Variants in ATP11A observed in about 807,000 individuals in gnomAD.
ATP11A encodes the protein phospholipid-transporting ATPase IH.
A neutral mutation model predicts 154.4 loss-of-function variants in ATP11A; 81 were observed. That is an observed-to-expected ratio of 0.52 (90% confidence interval 0.44 to 0.63). ATP11A has a LOEUF of 0.63. ATP11A is among the 30% of genes least tolerant of loss of function. The pLI, the probability that ATP11A is intolerant of heterozygous loss-of-function variation, is 0.00. For missense variants in ATP11A, 1,316 were observed against 1,474.3 expected (o/e 0.89, Z 1.76); for synonymous variants, 623 against 585.9 (o/e 1.06, Z -0.91).
intron 16 of ATP11A, among the ~76,000 whole-genome samples, chr13:112,839,014 C>T (rs1006015569): frequency 1.3e-5 from 2 of 152,142 alleles, no homozygotes; most frequent in African/African-American, 4.8e-5. Flanking sequence ...TGGGGCTGAG[C>T]AGCCCCAACA....
rs1393058131 is a variant in ATP11A at position 112,880,578 on chromosome 13, C to T, written c.*10-1298C>T. ...TGAAGCACAAGGCTCCAGTCCAGGCCGCACAGAGCAGCGATGGGCCCCTCC... is the reference window on the plus strand; with the variant it reads ...TGAAGCACAAGGCTCCAGTCCAGGCTGCACAGAGCAGCGATGGGCCCCTCC... On this transcript the variant is annotated intron_variant, in intron 29 of 29. Coordinates refer to ENST00000375645, the MANE Select transcript of ATP11A (RefSeq NM_015205.3). 6.5e-5 allele frequency: 84 copies of T among 1,300,632 alleles called. 1 individual carries two copies. Among genetic ancestry groups the T allele is most frequent in the South Asian group, 6.3e-4 (51 of 80,978 alleles). 80.6% of individuals were successfully genotyped at this position (1,300,632 alleles called of 1,614,324 possible).
rs572977464 is a variant in ATP11A at position 112,785,436 on chromosome 13, G to C, written c.162+179G>C. ...CCGAGGGCGCTACTCTCTCCCTCTC[G>C]GTGACTGCCCACAGGAGGCTTTCCA... is the stretch of plus-strand genomic sequence containing the variant. On this transcript the variant is annotated intron_variant, in intron 2 of 29. Coordinates refer to ENST00000375645, the MANE Select transcript of ATP11A (RefSeq NM_015205.3). The surrounding 1 kb of genome is among the most constrained non-coding windows in gnomAD (Gnocchi z 4.8). 1.3e-5 allele frequency among the ~76,000 whole-genome samples: 2 copies of C among 151,934 alleles called. No homozygotes were observed. Among genetic ancestry groups the C allele is most frequent in the Non-Finnish European group, 2.9e-5 (2 of 67,986 alleles).
chr13:112,699,317 A>C (rs559799226), intron 1 of ATP11A, among the ~76,000 whole-genome samples: 14 of 152,256 alleles, frequency 9.2e-5, no homozygotes, highest in African/African-American at 3.4e-4. Context: ...GTTTGGCAAA[A>C]TGTTTCCCAT....
chr13:112,775,464 G>A lies in ATP11A; in HGVS notation c.40-9671G>A, dbSNP rs529665037. 1.9e-3 allele frequency among the ~76,000 whole-genome samples: 293 copies of A among 152,344 alleles called. 1 individual carries two copies. The highest frequency in any genetic ancestry group is 0.014 in the Middle Eastern group (4 of 294). On this transcript the variant is annotated intron_variant, in intron 1 of 29. Transcript: ENST00000375645. ...TTGGCCCAGCAGCCTGGGGCCTCCAGGACATGCCTCCTCTAAAGGGGTGTT... is the reference window on the plus strand; with the variant it reads ...TTGGCCCAGCAGCCTGGGGCCTCCAAGACATGCCTCCTCTAAAGGGGTGTT...
intron 1 of ATP11A, among the ~76,000 whole-genome samples, chr13:112,765,484 T>A (rs1199107058): frequency 2.0e-5 from 3 of 152,266 alleles, no homozygotes; most frequent in Non-Finnish European, 4.4e-5. Context: ...CACGTTCTTC[T>A]GAGCGTGTCT....
intron 1 of ATP11A, among the ~76,000 whole-genome samples, chr13:112,703,051 C>T (rs1886756151): frequency 6.6e-6 from 1 of 152,238 alleles, no homozygotes; most frequent in Admixed American, 6.5e-5. Context: ...ATGTAAGCAC[C>T]TAGCATCTTA....
intron 2 of ATP11A, among the ~76,000 whole-genome samples, chr13:112,796,215 T>C (rs1212829445): frequency 6.6e-6 from 1 of 152,238 alleles, no homozygotes; most frequent in African/African-American, 2.4e-5. Flanking sequence ...CTCTTGCCTT[T>C]TGGTTCTCAA....
In ATP11A at chr13:112,816,228, TTAGACTC is replaced by T; in HGVS notation, c.570+18_570+24del. On this transcript the variant is annotated intron_variant, in intron 6 of 29. Coordinates refer to ENST00000375645, the MANE Select transcript of ATP11A (RefSeq NM_015205.3). ...AGCCATAAAGTAAGGGGCCTTTTCA[TTAGACTC>T]CAGGGCAGGATCTTCCTGTCCTGCT... 6.2e-7 allele frequency: 1 copy of T among 1,614,032 alleles called. No individual in the cohort carries two copies. Among genetic ancestry groups the T allele is most frequent in the Non-Finnish European group, 8.5e-7 (1 of 1,179,982 alleles).
At chr13:112,862,877 T>A (rs1168073851) in intron 25 of ATP11A, among the ~76,000 whole-genome samples, 1 of 145,738 alleles carries the variant, frequency 6.9e-6, no homozygotes, top group Admixed American at 6.7e-5. Flanking sequence ...GCACAGTAAT[T>A]CAGTGCAGCC....
chr13:112,816,025 CGGGCAAGCTT>C, intron 5 of ATP11A, 48 bp from the exon 6 acceptor site: 1 of 1,607,536 alleles, frequency 6.2e-7, no homozygotes, highest in Non-Finnish European at 8.5e-7. Flanking sequence ...TCCCACAGGA[CGGGCAAGCTT>C]TCACGGAGGG....
chr13:112,719,944 A>G lies in ATP11A; in HGVS notation c.39+29489A>G, dbSNP rs1888963840. On this transcript the variant is annotated intron_variant, in intron 1 of 29. Coordinates refer to ENST00000375645, the MANE Select transcript of ATP11A (RefSeq NM_015205.3). ...CATTTCTGGAAATTCAGCCTAAGAA[A>G]GTCATATCCCAAGTGCCCACAATCA... Among the ~76,000 whole-genome samples the G allele has an allele frequency of 2.0e-5, 3 of 152,226 alleles. No individual in the cohort carries two copies. In the South Asian group the frequency reaches 6.2e-4, roughly 31 times the overall value.
chr13:112,883,705 C>G lies in ATP11A; in HGVS notation c.*1839C>G, dbSNP rs1402579671. ...AGCAGACAGAACGGGGAAGACTCCA[C>G]TCTGTCCCGAGGGGCCAGCCGCAGG... On this transcript the variant is annotated 3_prime_UTR_variant, in exon 30 of 30. Coordinates refer to ENST00000375645, the MANE Select transcript of ATP11A (RefSeq NM_015205.3). The G allele has an allele frequency of 6.6e-6, 1 of 152,654 alleles. No individual in the cohort carries two copies. Among genetic ancestry groups the G allele is most frequent in the Middle Eastern group, 3.1e-3 (1 of 318 alleles). 9.5% of individuals were successfully genotyped at this position (152,654 alleles called of 1,614,324 possible).
In ATP11A at chr13:112,746,585, A is replaced by G. The variant is rs1383224324; in HGVS notation, c.40-38550A>G. 6.6e-6 allele frequency: 1 copy of G among 152,000 alleles called. No homozygotes were observed. Among genetic ancestry groups the G allele is most frequent in the African/African-American group, 2.4e-5 (1 of 41,246 alleles). 9.4% of individuals were successfully genotyped at this position (152,000 alleles called of 1,614,324 possible). On this transcript the variant is annotated intron_variant, in intron 1 of 29. Coordinates refer to ENST00000375645, the MANE Select transcript of ATP11A (RefSeq NM_015205.3). This position sits in a 1 kb window ranked among gnomAD's most constrained non-coding sequence, Gnocchi z 4.1. ...TTTAGAGACAGCACCTCGCTCTCTT[A>G]CCCAGGCTGGAGTGCAGTGGCACAA...
At chr13:112,820,097 C>T in intron 8 of ATP11A, 147 bp downstream of exon 8, 2 of 766,944 alleles carry the variant, frequency 2.6e-6, no homozygotes, top group Non-Finnish European at 4.0e-6. Context: ...GGGCTCCACT[C>T]TCGTCTCTGG....
rs1171599173 is a variant in ATP11A at position 112,753,234 on chromosome 13, C to T, written c.40-31901C>T. Among the ~76,000 whole-genome samples, 6 of 152,198 alleles carry T rather than the reference C, an allele frequency of 3.9e-5. No homozygotes were observed. Among genetic ancestry groups the T allele is most frequent in the South Asian group, 4.1e-4 (2 of 4,830 alleles). Reference sequence around the variant, plus strand: ...GTTCCCCTGTGGACTCAACCTCCCCCGCCCCTGGCCGCCCCACATCATGGA... The same window carrying T: ...GTTCCCCTGTGGACTCAACCTCCCCTGCCCCTGGCCGCCCCACATCATGGA... On this transcript the variant is annotated intron_variant, in intron 1 of 29. Coordinates refer to ENST00000375645, the MANE Select transcript of ATP11A (RefSeq NM_015205.3). The surrounding 1 kb of genome is among the most constrained non-coding windows in gnomAD (Gnocchi z 4.1).
chr13:112,822,840 C>T (rs2078834384), intron 8 of ATP11A, among the ~76,000 whole-genome samples: 1 of 152,092 alleles, frequency 6.6e-6, no homozygotes, highest in South Asian at 2.1e-4. Flanking sequence ...ATTCTGGGAC[C>T]TTCCAGTGCA....
At chr13:112,865,610 C>T (rs1341967068) in intron 25 of ATP11A, among the ~76,000 whole-genome samples, 7 of 152,324 alleles carry the variant, frequency 4.6e-5, no homozygotes, top group African/African-American at 1.2e-4. Context: ...AGTGCAATGG[C>T]GCAGTCTTGG....
At chr13:112,857,072 G>A (rs942332676) in intron 20 of ATP11A, among the ~76,000 whole-genome samples, 7 of 152,148 alleles carry the variant, frequency 4.6e-5, no homozygotes, top group Admixed American at 3.3e-4. Flanking sequence ...TTTGCCATTC[G>A]CTCTTCATGT....
chr13:112,719,078 CTGTG>C (rs1888844603), intron 1 of ATP11A, among the ~76,000 whole-genome samples: 1 of 152,094 alleles, frequency 6.6e-6, no homozygotes, highest in Admixed American at 6.5e-5. Context: ...CTTATTTGAA[CTGTG>C]TGTGTGTGAC....
Sources: allele counts gnomAD v4.1 joint callset (sites outside exome capture counted in the v4.1 genomes callset), GRCh38; gene constraint gnomAD v4.1.1; non-coding constraint Gnocchi (gnomAD v3.1); transcripts MANE v1.5; gene names NCBI Gene and HGNC (gene_info 2026-07-23, HGNC 2026-07-21).